Variants in THRB observed in about 807,000 individuals in gnomAD.
THRB encodes the protein thyroid hormone receptor beta, also known as nuclear receptor subfamily 1 group A member 2.
In THRB, 12 loss-of-function variants were observed where a neutral mutation model predicts 47.8. The observed-to-expected ratio is 0.25, with a 90% CI of 0.16 to 0.41. The LOEUF (loss-of-function observed/expected upper bound fraction) is 0.41. Ranked by LOEUF, THRB falls within the 10% of genes least tolerant of loss-of-function variation. The pLI is 1.00. For missense variants in THRB, 348 were observed against 589.2 expected (o/e 0.59, Z 4.24); for synonymous variants, 218 against 212.2 (o/e 1.03, Z -0.24).
At chr3:24,297,100 T>C (rs899924533) in intron 3 of THRB, 126 bp downstream of exon 3, 3 of 152,238 alleles carry the variant, frequency 2.0e-5, no homozygotes, top group African/African-American at 7.2e-5. Context: ...GTAGTATCCA[T>C]GGGTTAGAAA....
At chr3:24,476,579 C>G (rs565761761) in intron 1 of THRB, among the ~76,000 whole-genome samples, 2 of 152,118 alleles carry the variant, frequency 1.3e-5, no homozygotes, top group Non-Finnish European at 1.5e-5. Context: ...GTATCATTTA[C>G]GGAACCGCAC....
intron 1 of THRB, among the ~76,000 whole-genome samples, chr3:24,467,534 T>G (rs1049884350): frequency 3.3e-5 from 5 of 152,246 alleles, no homozygotes; most frequent in Admixed American, 2.6e-4. Flanking sequence ...GAGTCAAAAT[T>G]ACTCTTTGAT....
intron 5 of THRB, among the ~76,000 whole-genome samples, chr3:24,188,072 C>G (rs539650037): frequency 1.3e-5 from 2 of 152,278 alleles, no homozygotes; most frequent in Non-Finnish European, 2.9e-5. Flanking sequence ...ACATCTCTGA[C>G]TTTCAGTGAA....
At chr3:24,422,970 A>G (rs1577453786) in intron 1 of THRB, among the ~76,000 whole-genome samples, 1 of 151,836 alleles carries the variant, frequency 6.6e-6, no homozygotes. Context: ...TTGAGAGAGG[A>G]CTGGAAGTTT....
chr3:24,414,585 G>A (rs1373637613), intron 1 of THRB, among the ~76,000 whole-genome samples: 1 of 151,854 alleles, frequency 6.6e-6, no homozygotes, highest in East Asian at 2.0e-4. Flanking sequence ...AAATATTGCC[G>A]CTTCAGGATA....
At chr3:24,279,806 T>A (rs1465973016) in intron 3 of THRB, among the ~76,000 whole-genome samples, 1 of 152,202 alleles carries the variant, frequency 6.6e-6, no homozygotes, top group African/African-American at 2.4e-5. Flanking sequence ...TTTTTAAACC[T>A]TATTACTCTC....
At position 24,375,421 on chromosome 3, in the gene THRB, ATAGT is replaced by A. The variant is rs2065209557; in HGVS notation, c.-260-38054_-260-38051del. On this transcript the variant is annotated intron_variant, in intron 1 of 10. Transcript: ENST00000646209. Reference sequence around the variant, plus strand: ...GTTAGACATATAATATTAATATATTATAGTTAGACATATAATATTAATATATTAT... The same window carrying A: ...GTTAGACATATAATATTAATATATTATAGACATATAATATTAATATATTAT... Among the ~76,000 whole-genome samples, 3 of 141,354 alleles carry A rather than the reference ATAGT, an allele frequency of 2.1e-5. No homozygotes were observed. In the Admixed American group the frequency reaches 2.2e-4, roughly 10 times the overall value. 92.7% of individuals were successfully genotyped at this position (141,354 alleles called of 152,430 possible).
chr3:24,174,449 C>T (rs752437340), intron 5 of THRB, among the ~76,000 whole-genome samples: 2 of 152,136 alleles, frequency 1.3e-5, no homozygotes, highest in Non-Finnish European at 2.9e-5. Context: ...TCTCATCTTA[C>T]TCTGATCTTT....
In THRB at chr3:24,120,050, C is replaced by T. The variant is rs1325133663; in HGVS notation, c.*2834G>A. The T allele has an allele frequency of 6.6e-6, 1 of 152,136 alleles. No homozygotes were observed. The highest frequency in any genetic ancestry group is 1.5e-5 in the Non-Finnish European group (1 of 68,036). 9.4% of individuals were successfully genotyped at this position (152,136 alleles called of 1,614,324 possible). On this transcript the variant is annotated 3_prime_UTR_variant, in exon 11 of 11. Coordinates refer to ENST00000646209, the MANE Select transcript of THRB (RefSeq NM_001354712.2). ...TCAGGTCCACACTGGATTTGCAAGT[C>T]TGGACAATAGATGAAAAAATGTTTA...
intron 3 of THRB, among the ~76,000 whole-genome samples, chr3:24,284,077 C>G (rs1389549544): frequency 1.4e-5 from 2 of 142,218 alleles, no homozygotes; most frequent in Admixed American, 1.4e-4. Context: ...TTGGAAAAAA[C>G]TACTTTAAAG....
intron 1 of THRB, among the ~76,000 whole-genome samples, chr3:24,376,422 A>G (rs141999948): frequency 6.6e-6 from 1 of 152,178 alleles, no homozygotes; most frequent in African/African-American, 2.4e-5. Flanking sequence ...GGAGCAAAGT[A>G]TTAGAGAGGA....
intron 2 of THRB, among the ~76,000 whole-genome samples, chr3:24,334,633 G>A (rs1338065740): frequency 1.3e-5 from 2 of 152,160 alleles, no homozygotes; most frequent in Admixed American, 6.5e-5. Context: ...CATGCTCAGC[G>A]CCTCCAGAGG....
intron 3 of THRB, among the ~76,000 whole-genome samples, chr3:24,291,660 AT>A (rs2055931229): frequency 6.6e-6 from 1 of 152,124 alleles, no homozygotes; most frequent in Non-Finnish European, 1.5e-5. Context: ...GTATGGATGC[AT>A]TTTTTTTCCA....
rs921643890 is a variant in THRB, at chr3:24,301,327, T to C, written c.-188-3956A>G. Reference sequence around the variant, plus strand: ...GTTACCATAAACTTTTGTGTTTGTCTGAAAACTTCTGAGGTTGAGCGTATT... The same window carrying C: ...GTTACCATAAACTTTTGTGTTTGTCCGAAAACTTCTGAGGTTGAGCGTATT... On this transcript the variant is annotated intron_variant, in intron 2 of 10. Coordinates refer to ENST00000646209, the MANE Select transcript of THRB (RefSeq NM_001354712.2). Among the ~76,000 whole-genome samples the C allele has an allele frequency of 5.3e-4, 81 of 152,380 alleles. 1 individual carries two copies. Among genetic ancestry groups the C allele is most frequent in the Admixed American group, 5.2e-3 (80 of 15,310 alleles).
intron 1 of THRB, among the ~76,000 whole-genome samples, chr3:24,421,223 G>C (rs1250990112): frequency 6.6e-6 from 1 of 151,774 alleles, no homozygotes; most frequent in Non-Finnish European, 1.5e-5. Context: ...GGATGGAGAG[G>C]ATCAGGAAAA....
intron 5 of THRB, among the ~76,000 whole-genome samples, chr3:24,171,623 A>G (rs997940758): frequency 1.1e-4 from 17 of 152,118 alleles, no homozygotes; most frequent in African/African-American, 3.9e-4. Context: ...CTCCTATTGT[A>G]GGTGGGGCCT....
intron 4 of THRB, among the ~76,000 whole-genome samples, chr3:24,219,934 G>A (rs2046988161): frequency 6.6e-6 from 1 of 152,192 alleles, no homozygotes; most frequent in African/African-American, 2.4e-5. Context: ...GGAATCACTT[G>A]AGGAGTTAAA....
At chr3:24,140,272 G>A (rs2035263375) in intron 8 of THRB, among the ~76,000 whole-genome samples, 1 of 152,174 alleles carries the variant, frequency 6.6e-6, no homozygotes, top group Non-Finnish European at 1.5e-5. Flanking sequence ...TATTTATCGA[G>A]TTCTGTTCTG....
chr3:24,234,932 T>A (rs2048710435), intron 3 of THRB, among the ~76,000 whole-genome samples: 1 of 152,114 alleles, frequency 6.6e-6, no homozygotes, highest in Admixed American at 6.6e-5. Context: ...TTGAAAGAGT[T>A]GCTGTGGAAC....
Sources: gnomAD v4.1 joint callset for allele counts (sites outside exome capture counted in the v4.1 genomes callset) on GRCh38, gnomAD v4.1.1 for gene constraint, MANE v1.5 for transcripts, NCBI Gene and HGNC (gene_info 2026-07-23, HGNC 2026-07-21) for gene names.